MAF: variants seen among roughly 807,000 people sequenced by gnomAD.
MAF encodes transcription factor Maf.
Under a neutral mutation model 22.0 loss-of-function variants are expected in MAF, and 10 were observed. That is an observed-to-expected ratio of 0.45 (90% CI 0.28 to 0.77). The LOEUF is 0.77. Among genes scored for constraint, MAF ranks in the 30% least tolerant of loss-of-function variants. MAF has a pLI of 0.12. For synonymous variants in MAF, 337 were observed against 255.8 expected (o/e 1.32, Z -3.03); for missense variants, 544 against 548.4 (o/e 0.99, Z 0.08).
the MAF span, among the ~76,000 whole-genome samples, chr16:79,413,508 C>T: frequency 6.6e-6 from 1 of 151,840 alleles, no homozygotes; most frequent in African/African-American, 2.4e-5. Flanking sequence ...GCTGGGATTA[C>T]AAGCGTGAGC....
At chr16:79,438,625 G>A in the MAF span, among the ~76,000 whole-genome samples, 3 of 152,080 alleles carry the variant, frequency 2.0e-5, no homozygotes, top group East Asian at 5.8e-4. Flanking sequence ...GGAAGGGGGC[G>A]GAGCTCAGAG....
the MAF span, among the ~76,000 whole-genome samples, chr16:79,276,362 G>C: frequency 6.6e-6 from 1 of 152,132 alleles, no homozygotes; most frequent in African/African-American, 2.4e-5. Context: ...ATCCAAGAAA[G>C]GAGGGTTGTG....
the MAF span, among the ~76,000 whole-genome samples, chr16:79,466,494 A>G: frequency 2.0e-5 from 3 of 152,178 alleles, no homozygotes; most frequent in African/African-American, 4.8e-5. Flanking sequence ...TAATAAAAAG[A>G]ATCCTGAATT....
the MAF span, among the ~76,000 whole-genome samples, chr16:79,289,622 T>G: frequency 1.3e-5 from 2 of 152,112 alleles, no homozygotes; most frequent in African/African-American, 4.8e-5. Flanking sequence ...CCTTCCACTG[T>G]GGCCATATGG....
At chr16:79,554,499 G>A in the MAF span, among the ~76,000 whole-genome samples, 1 of 152,146 alleles carries the variant, frequency 6.6e-6, no homozygotes, top group Non-Finnish European at 1.5e-5. Context: ...AGAATTCTAG[G>A]AATCTAAATG....
the MAF span, among the ~76,000 whole-genome samples, chr16:79,326,495 T>G: frequency 6.6e-6 from 1 of 152,252 alleles, no homozygotes; most frequent in South Asian, 2.1e-4. Context: ...TAGCAACATT[T>G]TATACACTTC....
chr16:79,449,269 G>A, the MAF span, among the ~76,000 whole-genome samples: 15 of 152,274 alleles, frequency 9.9e-5, no homozygotes, highest in Middle Eastern at 3.4e-3. Context: ...CTCTTGATGC[G>A]CTGCCCAGTT....
chr16:79,334,693 C>T, the MAF span, among the ~76,000 whole-genome samples: 2 of 152,064 alleles, frequency 1.3e-5, no homozygotes, highest in Non-Finnish European at 2.9e-5. Flanking sequence ...TTGTACAGAG[C>T]CCATACCCAT....
At chr16:79,412,363 A>G in the MAF span, among the ~76,000 whole-genome samples, 4 of 152,090 alleles carry the variant, frequency 2.6e-5, no homozygotes, top group East Asian at 1.9e-4. Flanking sequence ...GAAGGGCCCT[A>G]TTGGCTTTAG....
chr16:79,328,229 G>A, the MAF span, among the ~76,000 whole-genome samples: 1 of 151,984 alleles, frequency 6.6e-6, no homozygotes, highest in Admixed American at 6.6e-5. Context: ...GCATTGCCTG[G>A]CCAATATCAT....
chr16:79,532,051 T>C, the MAF span, among the ~76,000 whole-genome samples: 4 of 152,296 alleles, frequency 2.6e-5, no homozygotes, highest in East Asian at 7.7e-4. Flanking sequence ...CCAATAAGAA[T>C]TGTTAGCATG....
the MAF span, among the ~76,000 whole-genome samples, chr16:79,472,117 T>C: frequency 6.6e-6 from 1 of 152,114 alleles, no homozygotes; most frequent in African/African-American, 2.4e-5. Flanking sequence ...TATGTAAGCA[T>C]CTAGATCAGA....
the MAF span, among the ~76,000 whole-genome samples, chr16:79,577,446 T>A: frequency 6.6e-6 from 1 of 152,182 alleles, no homozygotes; most frequent in South Asian, 2.1e-4. Context: ...TCTCCTAATC[T>A]GTGTGAAGGA....
the MAF span, among the ~76,000 whole-genome samples, chr16:79,552,260 T>C: frequency 2.0e-5 from 3 of 152,042 alleles, no homozygotes; most frequent in South Asian, 2.1e-4. Flanking sequence ...GTCACCCAGA[T>C]TGGAGTGCAG....
chr16:79,569,945 A>T, the MAF span, among the ~76,000 whole-genome samples: 1 of 151,278 alleles, frequency 6.6e-6, no homozygotes, highest in Admixed American at 6.6e-5. Flanking sequence ...AGCAAAGACC[A>T]GGTGGTGGGA....
chr16:79,422,022 C>G, the MAF span, among the ~76,000 whole-genome samples: 1 of 152,300 alleles, frequency 6.6e-6, no homozygotes, highest in South Asian at 2.1e-4. Flanking sequence ...AGGTGATCCA[C>G]CCGCCTTGGC....
chr16:79,258,171 A>T, the MAF span, among the ~76,000 whole-genome samples: 2 of 152,166 alleles, frequency 1.3e-5, no homozygotes, highest in African/African-American at 4.8e-5. Context: ...AGGAGGAGTG[A>T]GACGCCTCTG....
chr16:79,344,941 A>C, the MAF span, among the ~76,000 whole-genome samples: 1 of 152,194 alleles, frequency 6.6e-6, no homozygotes, highest in South Asian at 2.1e-4. Context: ...ATGTAATTAA[A>C]AAGAAGGAAT....
chr16:79,259,135 A>T, the MAF span, among the ~76,000 whole-genome samples: 1 of 152,184 alleles, frequency 6.6e-6, no homozygotes, highest in Non-Finnish European at 1.5e-5. Context: ...TTTCCATAGA[A>T]TTAGAAACGA....
Sources: gnomAD v4.1 joint callset for allele counts (sites outside exome capture counted in the v4.1 genomes callset) on GRCh38, gnomAD v4.1.1 for gene constraint, MANE v1.5 for transcripts, NCBI Gene and HGNC (gene_info 2026-07-23, HGNC 2026-07-21) for gene names.